The following P2RY14 variants were observed in gnomAD, a reference collection of about 807,000 sequenced individuals.
The protein encoded by P2RY14 is purinergic receptor P2Y14.
Under a neutral mutation model 0.9 loss-of-function variants are expected in P2RY14, and 2 were observed. The ratio of observed to expected loss-of-function variants is 2.16; its 90% CI spans 0.88 to 6.79. The LOEUF (loss-of-function observed/expected upper bound fraction) is 6.79. P2RY14 is among the 30% of genes most tolerant of loss of function. The pLI is 0.05. For missense variants in P2RY14, 378 were observed against 400.1 expected, an observed-to-expected ratio of 0.94 and a Z score of 0.47; for synonymous variants, 158 against 147.2, an observed-to-expected ratio of 1.07 and a Z score of -0.53.
chr3:151,265,521 C>T (rs902362222), intron 1 of P2RY14, among the ~76,000 whole-genome samples: 3 of 152,196 alleles, frequency 2.0e-5, no homozygotes, highest in Non-Finnish European at 4.4e-5. Context: ...TCACTGCCAT[C>T]ATCCTCCCTA....
chr3:151,261,357 G>A (rs1441648272), intron 1 of P2RY14: 2 of 152,098 alleles, frequency 1.3e-5, no homozygotes, highest in Non-Finnish European at 2.9e-5. Context: ...AATATTTGCA[G>A]GATTGAACTG....
At chr3:151,262,932 G>T (rs1402188480) in intron 1 of P2RY14, among the ~76,000 whole-genome samples, 1 of 152,188 alleles carries the variant, frequency 6.6e-6, no homozygotes, top group Non-Finnish European at 1.5e-5. Flanking sequence ...AAGACACGTA[G>T]CTGGTAAGGA....
At chr3:151,258,926 C>T (rs1232559644) in intron 1 of P2RY14, among the ~76,000 whole-genome samples, 1 of 151,304 alleles carries the variant, frequency 6.6e-6, no homozygotes. Flanking sequence ...GCTGTGGATT[C>T]AGGTTGTGTG....
intron 1 of P2RY14, among the ~76,000 whole-genome samples, chr3:151,275,716 A>G (rs1741738887): frequency 6.6e-6 from 1 of 152,184 alleles, no homozygotes. Context: ...AAGAACCAGA[A>G]AATTTAGTAA....
At chr3:151,275,575 CTT>C (rs1741714278) in intron 1 of P2RY14, among the ~76,000 whole-genome samples, 1 of 152,094 alleles carries the variant, frequency 6.6e-6, no homozygotes, top group African/African-American at 2.4e-5. Flanking sequence ...GATTGAGAAG[CTT>C]TGCTGTGGTA....
chr3:151,233,688 G>A (rs74715168), intron 1 of P2RY14, among the ~76,000 whole-genome samples: 6,475 of 152,266 alleles, frequency 0.043, 168 homozygotes, highest in East Asian at 0.11. Flanking sequence ...AGCCGAGATC[G>A]TGCCATTGCA....
chr3:151,243,662 A>T (rs1734729715), intron 1 of P2RY14, among the ~76,000 whole-genome samples: 1 of 151,964 alleles, frequency 6.6e-6, no homozygotes, highest in Non-Finnish European at 1.5e-5. Context: ...CTGCAAAATC[A>T]TGCCAAAATG....
intron 2 of P2RY14, among the ~76,000 whole-genome samples, chr3:151,215,803 C>T (rs952284700): frequency 6.6e-6 from 1 of 152,198 alleles, no homozygotes; most frequent in African/African-American, 2.4e-5. Flanking sequence ...TCTTGTTCTG[C>T]CTCCTGCTTC....
At chr3:151,254,885 T>G (rs138688043) in intron 1 of P2RY14, among the ~76,000 whole-genome samples, 1 of 152,216 alleles carries the variant, frequency 6.6e-6, no homozygotes, top group East Asian at 1.9e-4. Context: ...TATACACACT[T>G]CCAAAACTGT....
chr3:151,247,373 A>C (rs544639930), intron 1 of P2RY14, among the ~76,000 whole-genome samples: 89 of 152,248 alleles, frequency 5.8e-4, no homozygotes, highest in South Asian at 1.0e-3. Context: ...CAAATGTCCA[A>C]CAATGATAGA....
At chr3:151,237,224 G>A (rs528845583) in intron 1 of P2RY14, among the ~76,000 whole-genome samples, 1 of 151,184 alleles carries the variant, frequency 6.6e-6, no homozygotes, top group South Asian at 2.1e-4. Context: ...ATTTTTAGTA[G>A]AGACGGGGTT....
chr3:151,271,697 A>G (rs1740981267), intron 1 of P2RY14, among the ~76,000 whole-genome samples: 1 of 152,236 alleles, frequency 6.6e-6, no homozygotes, highest in South Asian at 2.1e-4. Context: ...CCCACAATAT[A>G]GGTAAATCTC....
intron 1 of P2RY14, among the ~76,000 whole-genome samples, chr3:151,223,965 T>G (rs1729946275): frequency 6.6e-6 from 1 of 152,220 alleles, no homozygotes; most frequent in South Asian, 2.1e-4. Context: ...GGTAGGGTGG[T>G]TGGACTTTGC....
intron 1 of P2RY14, among the ~76,000 whole-genome samples, chr3:151,245,025 T>G (rs1379660040): frequency 6.6e-6 from 1 of 151,854 alleles, no homozygotes; most frequent in African/African-American, 2.4e-5. Flanking sequence ...CTAGAAGAAA[T>G]GGATAAATTC....
chr3:151,246,120 A>G (rs1735401266), intron 1 of P2RY14, among the ~76,000 whole-genome samples: 1 of 152,152 alleles, frequency 6.6e-6, no homozygotes, highest in South Asian at 2.1e-4. Flanking sequence ...GAAATAAAAG[A>G]GGATACAAAC....
At chr3:151,223,131 CA>C (rs1435258746) in intron 1 of P2RY14, among the ~76,000 whole-genome samples, 23 of 140,298 alleles carry the variant, frequency 1.6e-4, no homozygotes, top group Admixed American at 5.2e-4. Flanking sequence ...GGTTGTAAAT[CA>C]TATATTCTAA....
intron 1 of P2RY14, among the ~76,000 whole-genome samples, chr3:151,235,890 C>T (rs4076581): frequency 0.28 from 42,319 of 151,804 alleles, 6,271 homozygotes; most frequent in East Asian, 0.48. Flanking sequence ...CCCCCTATGT[C>T]GCATTCTCTA....
intron 2 of P2RY14, among the ~76,000 whole-genome samples, chr3:151,217,749 C>T (rs1007030422): frequency 6.6e-6 from 1 of 152,150 alleles, no homozygotes; most frequent in Non-Finnish European, 1.5e-5. Flanking sequence ...TTCCAAGATA[C>T]TCTTGGTAGT....
intron 1 of P2RY14, among the ~76,000 whole-genome samples, chr3:151,254,361 T>G (rs555289938): frequency 9.8e-5 from 15 of 152,354 alleles, no homozygotes; most frequent in Non-Finnish European, 1.9e-4. Context: ...AGCAGAGGCT[T>G]AACATTTACG....
Sources: allele counts gnomAD v4.1 joint callset (sites outside exome capture counted in the v4.1 genomes callset), GRCh38; gene constraint gnomAD v4.1.1; transcripts MANE v1.5; gene names NCBI Gene and HGNC (gene_info 2026-07-23, HGNC 2026-07-21).